The following PCSK1 variants were observed in gnomAD, a reference collection of about 807,000 sequenced individuals.
PCSK1 encodes the protein proprotein convertase subtilisin/kexin type 1.
In PCSK1, 56 loss-of-function variants were observed where a neutral mutation model predicts 90.6. The observed-to-expected ratio is 0.62, with a 90% CI of 0.50 to 0.77. PCSK1 has a LOEUF of 0.77. Ranked by LOEUF, PCSK1 falls within the 30% of genes least tolerant of loss-of-function variation. The pLI is 0.00. For missense variants in PCSK1, 801 were observed against 932.6 expected (o/e 0.86, Z 1.84); for synonymous variants, 348 against 342.4 (o/e 1.02, Z -0.18).
At chr5:96,408,701 A>G (rs1351474528) in intron 8 of PCSK1, among the ~76,000 whole-genome samples, 1 of 152,254 alleles carries the variant, frequency 6.6e-6, no homozygotes, top group African/African-American at 2.4e-5. Flanking sequence ...GCATATTTAG[A>G]AATTCTGTCT....
chr5:96,418,857 C>T (rs1761019248), intron 5 of PCSK1, among the ~76,000 whole-genome samples: 1 of 152,086 alleles, frequency 6.6e-6, no homozygotes, highest in Non-Finnish European at 1.5e-5. Context: ...TCTGAATTGG[C>T]TCAGAAAATT....
rs77317666 is a variant in PCSK1 at position 96,410,095 on chromosome 5, G to A, written c.1095+679C>T. Among the ~76,000 whole-genome samples, 412 of 152,146 alleles carry A rather than the reference G, an allele frequency of 2.7e-3. 12 individuals carry two copies. The East Asian group carries it at 0.047, about 17-fold the overall frequency. On this transcript the variant is annotated intron_variant, in intron 8 of 13. Coordinates refer to ENST00000311106, the MANE Select transcript of PCSK1 (RefSeq NM_000439.5). ...GGGCCTTACATTTTTTAAATTAAAGGTGTCTCCCTTTGTTCTCAAAGCCCC... is the reference window on the plus strand; with the variant it reads ...GGGCCTTACATTTTTTAAATTAAAGATGTCTCCCTTTGTTCTCAAAGCCCC...
At chr5:96,431,454 C>T (rs570634913) in intron 1 of PCSK1, among the ~76,000 whole-genome samples, 11 of 152,268 alleles carry the variant, frequency 7.2e-5, no homozygotes, top group South Asian at 4.1e-4. Context: ...TCTATGATTA[C>T]ACAAATTACA....
At chr5:96,415,168 A>G (rs1177724828) in intron 6 of PCSK1, among the ~76,000 whole-genome samples, 2 of 151,928 alleles carry the variant, frequency 1.3e-5, no homozygotes, top group Non-Finnish European at 2.9e-5. Context: ...TACACTTTCC[A>G]CTCTTCTCCA....
At chr5:96,398,067 T>G (rs918291969) in intron 11 of PCSK1, among the ~76,000 whole-genome samples, 5 of 152,162 alleles carry the variant, frequency 3.3e-5, no homozygotes, top group African/African-American at 1.2e-4. Flanking sequence ...TGATAATAGT[T>G]CTATGTGGAA....
intron 8 of PCSK1, 68 bp downstream of exon 8, chr5:96,410,706 G>A: frequency 8.0e-7 from 1 of 1,250,028 alleles, no homozygotes; most frequent in Non-Finnish European, 1.2e-6. Context: ...GGTCAGTTAG[G>A]GGAATCATTT....
chr5:96,426,895 A>G (rs1761326188), intron 2 of PCSK1, among the ~76,000 whole-genome samples: 1 of 152,244 alleles, frequency 6.6e-6, no homozygotes, highest in Non-Finnish European at 1.5e-5. Context: ...ATATACTGCA[A>G]ACCTATTAAA....
chr5:96,399,178 A>G, intron 10 of PCSK1, 142 bp from the exon 11 acceptor site: 1 of 660,294 alleles, frequency 1.5e-6, no homozygotes, highest in Non-Finnish European at 2.7e-6. Flanking sequence ...CTAATTCAGA[A>G]TTATGTATAC....
rs145558922 is a variant in PCSK1, at chr5:96,410,942, G to A, written c.927C>T (p.Asn309=). The A allele has an allele frequency of 2.7e-4, 437 of 1,613,920 alleles. No homozygotes were observed. The highest frequency in any genetic ancestry group is 4.4e-4 in the African/African-American group (33 of 74,976). ...CACAATTATCTCCCTGACGCCCCCC[G>A]TTTCCCGAAGCCCAGACGAAGATGG... ...KGSIFVWASG[N]GGRQGDNCDC... is the part of the protein sequence containing the mutation. Residue 309 remains asparagine (N), a synonymous_variant, in exon 8 of 14, where the codon AAC becomes AAT. Coordinates refer to ENST00000311106, the MANE Select transcript of PCSK1 (RefSeq NM_000439.5).
At position 96,421,897 on chromosome 5, in the gene PCSK1, A is replaced by T; in HGVS notation, c.603T>A (p.Asp201Glu). 1 of 1,549,504 alleles carries T rather than the reference A, an allele frequency of 6.5e-7. No individual in the cohort carries two copies. Among genetic ancestry groups the T allele is most frequent in the Middle Eastern group, 1.7e-4 (1 of 5,886 alleles). The change falls in exon 5 of 14, where the codon GAT becomes GAA. Residue 201 changes from aspartate (D) to glutamate (E), a missense_variant. Coordinates refer to ENST00000311106, the MANE Select transcript of PCSK1 (RefSeq NM_000439.5). ...TTACTCACTTGTTCTCGTTTGTGGGATCATATCGGGGAAATGGATCATGGT... is the reference window on the plus strand; with the variant it reads ...TTACTCACTTGTTCTCGTTTGTGGGTTCATATCGGGGAAATGGATCATGGT... ...DNDHDPFPRY[D>E]PTNENKHGTR...
At chr5:96,418,868 G>C (rs1483842781) in intron 5 of PCSK1, among the ~76,000 whole-genome samples, 1 of 152,064 alleles carries the variant, frequency 6.6e-6, no homozygotes, top group Non-Finnish European at 1.5e-5. Flanking sequence ...TCAGAAAATT[G>C]ACTTGTCTCT....
At chr5:96,425,032 GAAAGAAAGAAAGAA>G (rs2112443488) in intron 3 of PCSK1, among the ~76,000 whole-genome samples, 1 of 98,388 alleles carries the variant, frequency 1.0e-5, no homozygotes, top group African/African-American at 3.7e-5. Flanking sequence ...AAGAAAGAAA[GAAAGAAAGAAAGAA>G]AGAAAGAAAG....
rs6231 is a variant in PCSK1, at chr5:96,421,888, G to A, written c.612C>T (p.Asn204=). The change falls in exon 5 of 14, where the codon AAC becomes AAT. Residue 204 remains asparagine (N), a synonymous_variant. Coordinates refer to ENST00000311106, the MANE Select transcript of PCSK1 (RefSeq NM_000439.5). ...HDPFPRYDPT[N]ENKHGTRCAG... Reference sequence around the variant, plus strand: ...AATGCATATTTACTCACTTGTTCTCGTTTGTGGGATCATATCGGGGAAATG... The same window carrying A: ...AATGCATATTTACTCACTTGTTCTCATTTGTGGGATCATATCGGGGAAATG... 0.011 allele frequency: 17,146 copies of A among 1,532,440 alleles called. 795 individuals are homozygous for A. In the African/African-American group the frequency reaches 0.14, roughly 12 times the overall value. The allele number at this position is 1,532,440 out of a possible 1,614,324, so 94.9% of individuals were successfully genotyped here.
At chr5:96,418,588 A>G (rs115913014) in intron 5 of PCSK1, among the ~76,000 whole-genome samples, 127 of 152,338 alleles carry the variant, frequency 8.3e-4, no homozygotes, top group African/African-American at 2.9e-3. Context: ...GTAATAAAGA[A>G]CAACAGCAAT....
rs1477152876 is a variant in PCSK1 at position 96,393,387 on chromosome 5, T to C, written c.1885-9A>G. 1 of 1,613,314 alleles carries C rather than the reference T, an allele frequency of 6.2e-7. No homozygotes were observed. Among genetic ancestry groups the C allele is most frequent in the South Asian group, 1.1e-5 (1 of 91,048 alleles). ...TCTTGTGTGGGCTGCTCCTAAAACA[T>C]AGAATGCCATCCACAAAGGGAAGAA... On this transcript the variant is annotated splice_polypyrimidine_tract_variant and intron_variant, in intron 13 of 13. Transcript: ENST00000311106.
At chr5:96,426,228 A>G (rs1320079463) in intron 2 of PCSK1, among the ~76,000 whole-genome samples, 2 of 152,192 alleles carry the variant, frequency 1.3e-5, no homozygotes, top group African/African-American at 4.8e-5. Flanking sequence ...GTCTGCTTTC[A>G]TCAGCAAATG....
At chr5:96,402,934 T>C (rs1258378195) in intron 9 of PCSK1, among the ~76,000 whole-genome samples, 32 of 152,294 alleles carry the variant, frequency 2.1e-4, no homozygotes, top group Non-Finnish European at 4.4e-5. Context: ...TTTATTGAAA[T>C]GCTTGCTTCC....
chr5:96,406,629 C>T (rs1426532965), intron 9 of PCSK1, among the ~76,000 whole-genome samples: 1 of 152,192 alleles, frequency 6.6e-6, no homozygotes, highest in Non-Finnish European at 1.5e-5. Flanking sequence ...ACTGGACTCT[C>T]CTGGACAAAG....
rs1561368007 is a variant in PCSK1, at chr5:96,408,274, G to A, written c.1145C>T (p.Ser382Leu). 5 of 1,614,114 alleles carry A rather than the reference G, an allele frequency of 3.1e-6. No homozygotes were observed. The highest frequency in any genetic ancestry group is 1.1e-5 in the South Asian group (1 of 91,082). Residue 382 changes from serine to leucine, a missense_variant, in exon 9 of 14, where the codon TCG becomes TTG. Coordinates refer to ENST00000311106, the MANE Select transcript of PCSK1 (RefSeq NM_000439.5). Reference sequence around the variant, plus strand: ...GCCAGCAGCCAGAGGTGCAGAGGCCGAGGTGCCTGTGTGCGTCTCCGTGCA... The same window carrying A: ...GCCAGCAGCCAGAGGTGCAGAGGCCAAGGTGCCTGTGTGCGTCTCCGTGCA... The part of the protein sequence containing the change: ...NDCTETHTGT[S>L]ASAPLAAGIF...
Sources: allele counts gnomAD v4.1 joint callset (sites outside exome capture counted in the v4.1 genomes callset), GRCh38; gene constraint gnomAD v4.1.1; transcripts MANE v1.5; gene names NCBI Gene and HGNC (gene_info 2026-07-23, HGNC 2026-07-21).